The following BBX variants were observed in gnomAD, a reference collection of about 807,000 sequenced individuals.
The protein encoded by BBX is BBX high mobility group box domain containing.
A neutral mutation model predicts 100.2 loss-of-function variants in BBX; 30 were observed. The ratio of observed to expected loss-of-function variants is 0.30; its 90% CI spans 0.22 to 0.41. The LOEUF is 0.41. Ranked by LOEUF, BBX falls within the 10% of genes least tolerant of loss-of-function variation. The pLI is 1.00. For synonymous variants in BBX, 376 were observed against 388.1 expected, an observed-to-expected ratio of 0.97 and a Z score of 0.37; for missense variants, 1,023 against 1,129.8, an observed-to-expected ratio of 0.91 and a Z score of 1.35.
At chr3:107,651,503 G>T (rs2057835871) in intron 3 of BBX, among the ~76,000 whole-genome samples, 1 of 152,148 alleles carries the variant, frequency 6.6e-6, no homozygotes, top group African/African-American at 2.4e-5. Flanking sequence ...TACTAGAAAT[G>T]TATTTGAAAA....
intron 7 of BBX, among the ~76,000 whole-genome samples, chr3:107,739,065 C>T (rs2063872062): frequency 6.6e-6 from 1 of 152,154 alleles, no homozygotes; most frequent in Non-Finnish European, 1.5e-5. Flanking sequence ...ATGTCCACAT[C>T]TTAAATGCTG....
At chr3:107,705,882 A>G (rs1387722417) in intron 3 of BBX, among the ~76,000 whole-genome samples, 21 of 152,144 alleles carry the variant, frequency 1.4e-4, no homozygotes, top group Admixed American at 1.4e-3. Context: ...GAAGCCTATC[A>G]GGCTCCAGTG....
Position 107,805,381 on chromosome 3 carries a change from C to T in BBX, c.2750C>T (p.Ser917Leu). The T allele has an allele frequency of 1.9e-6, 3 of 1,613,622 alleles. No individual in the cohort carries two copies. The highest frequency in any genetic ancestry group is 2.5e-6 in the Non-Finnish European group (3 of 1,179,740). The change falls in exon 18 of 18, where the codon TCA becomes TTA. Residue 917 changes from serine to leucine, a missense_variant. By Grantham distance (145) the Ser-to-Leu change is moderately radical (BLOSUM62 -2). Coordinates refer to ENST00000325805, the MANE Select transcript of BBX (RefSeq NM_001142568.3). ...AMENVHRGQR[S>L]TPLTHDGQPK... ...CTTTTATTTTACAGAGGTCAGAGGT[C>T]AACTCCGCTCACCCATGATGGACAG...
In BBX at chr3:107,805,623, G is replaced by A; in HGVS notation, c.*166G>A. 7.5e-7 allele frequency: 1 copy of A among 1,342,014 alleles called. No homozygotes were observed. The allele number at this position is 1,342,014 out of a possible 1,614,324, so 83.1% of individuals were successfully genotyped here. A position where few individuals can be genotyped will look rare whatever the true frequency, so the allele number is the denominator to read the frequency against. ...AAGCAGAAGTTAGCATCCTGGGCCA[G>A]TTTGTTCTCTCAGAACCCAGAATCT... On this transcript the variant is annotated 3_prime_UTR_variant, in exon 18 of 18. Transcript: ENST00000325805.
chr3:107,724,349 C>T (rs940626686), intron 5 of BBX, among the ~76,000 whole-genome samples: 56 of 152,074 alleles, frequency 3.7e-4, no homozygotes, highest in Middle Eastern at 3.4e-3. Context: ...TTCTCCCATT[C>T]TGTAGGTTGC....
chr3:107,609,829 A>G (rs2054710555), intron 2 of BBX, among the ~76,000 whole-genome samples: 1 of 151,584 alleles, frequency 6.6e-6, no homozygotes, highest in East Asian at 1.9e-4. Flanking sequence ...CCAGCTTTTC[A>G]TTTGTTGATA....
chr3:107,562,746 T>A (rs888597014), intron 2 of BBX, among the ~76,000 whole-genome samples: 1 of 152,182 alleles, frequency 6.6e-6, no homozygotes, highest in African/African-American at 2.4e-5. Flanking sequence ...TTCACATTTA[T>A]ATTTCTGCTG....
chr3:107,533,976 C>A (rs558763930), intron 2 of BBX, among the ~76,000 whole-genome samples: 39 of 152,188 alleles, frequency 2.6e-4, no homozygotes, highest in Admixed American at 1.5e-3. Context: ...CAGATCTTGC[C>A]TTTTAATTTC....
intron 3 of BBX, among the ~76,000 whole-genome samples, chr3:107,652,791 C>A (rs1181539095): frequency 6.6e-6 from 1 of 152,100 alleles, no homozygotes; most frequent in Non-Finnish European, 1.5e-5. Flanking sequence ...CTCCTAGGAT[C>A]TTCATATATT....
At chr3:107,742,118 A>T (rs2064159299) in intron 7 of BBX, among the ~76,000 whole-genome samples, 1 of 152,192 alleles carries the variant, frequency 6.6e-6, no homozygotes, top group East Asian at 1.9e-4. Context: ...ACTTAGAATT[A>T]TAGTTGTAAA....
intron 3 of BBX, among the ~76,000 whole-genome samples, chr3:107,674,176 G>A (rs957635735): frequency 2.0e-5 from 3 of 152,076 alleles, no homozygotes; most frequent in African/African-American, 7.3e-5. Flanking sequence ...CTGAAAATTA[G>A]GCATTCACAT....
At chr3:107,617,753 A>T (rs1459720605) in intron 2 of BBX, among the ~76,000 whole-genome samples, 3 of 152,108 alleles carry the variant, frequency 2.0e-5, no homozygotes, top group Non-Finnish European at 4.4e-5. Context: ...GTGTCTTTTG[A>T]CTTTGCTAAA....
At chr3:107,659,148 A>T (rs918832649) in intron 3 of BBX, among the ~76,000 whole-genome samples, 2 of 151,812 alleles carry the variant, frequency 1.3e-5, no homozygotes, top group African/African-American at 4.8e-5. Flanking sequence ...TTTAATCTTC[A>T]CATCAGTCTG....
At chr3:107,560,486 G>T (rs2050408917) in intron 2 of BBX, among the ~76,000 whole-genome samples, 1 of 152,180 alleles carries the variant, frequency 6.6e-6, no homozygotes, top group African/African-American at 2.4e-5. Flanking sequence ...GTCAGATTTA[G>T]TTGTATTTCC....
In BBX at chr3:107,798,533, A is replaced by G. The variant is rs925459763; in HGVS notation, c.2364A>G (p.Ser788=). ...DAIHPTEAIF[S]EDRNTMEPVH... The stretch of plus-strand genomic sequence containing the variant: ...TATTTCCTATTTCAGCCATATTTTC[A>G]GAAGACAGAAACACCATGGAGCCTG... Residue 788 remains serine (S), a synonymous_variant, in exon 16 of 18, where the codon TCA becomes TCG. Coordinates refer to ENST00000325805, the MANE Select transcript of BBX (RefSeq NM_001142568.3). 6.2e-7 allele frequency: 1 copy of G among 1,613,836 alleles called. No homozygotes were observed. The highest frequency in any genetic ancestry group is 1.3e-5 in the African/African-American group (1 of 75,022).
intron 15 of BBX, among the ~76,000 whole-genome samples, chr3:107,794,643 GA>G (rs1206721659): frequency 3.9e-5 from 6 of 152,166 alleles, no homozygotes; most frequent in Non-Finnish European, 8.8e-5. Flanking sequence ...CAGGATGTTG[GA>G]TAAGGCTCAT....
At chr3:107,783,662 A>T (rs2068123374) in intron 13 of BBX, among the ~76,000 whole-genome samples, 1 of 151,964 alleles carries the variant, frequency 6.6e-6, no homozygotes, top group Admixed American at 6.6e-5. Context: ...GTTTTCCATG[A>T]TTGCCTATGT....
At chr3:107,738,980 A>C (rs929163127) in intron 7 of BBX, among the ~76,000 whole-genome samples, 1 of 152,206 alleles carries the variant, frequency 6.6e-6, no homozygotes, top group African/African-American at 2.4e-5. Flanking sequence ...TTTTTCATTA[A>C]ATGATGAGAT....
intron 3 of BBX, among the ~76,000 whole-genome samples, chr3:107,687,991 G>T (rs1024075952): frequency 4.6e-5 from 7 of 152,056 alleles, no homozygotes; most frequent in Non-Finnish European, 8.8e-5. Context: ...GGAGGCGGAG[G>T]TTGCAGTGAG....
Sources: allele counts gnomAD v4.1 joint callset (sites outside exome capture counted in the v4.1 genomes callset), GRCh38; gene constraint gnomAD v4.1.1; transcripts MANE v1.5; gene names NCBI Gene and HGNC (gene_info 2026-07-23, HGNC 2026-07-21).